The following ATF6 variants were observed in gnomAD, a reference collection of about 807,000 sequenced individuals.
The protein encoded by ATF6 is activating transcription factor 6.
In ATF6, 53 loss-of-function variants were observed where a neutral mutation model predicts 83.6. The observed-to-expected ratio is 0.63, with a 90% CI of 0.51 to 0.80. The LOEUF is 0.80. ATF6 is among the 30% of genes least tolerant of loss of function. ATF6 has a pLI of 0.00. For missense variants in ATF6, 744 were observed against 797.9 expected (o/e 0.93, Z 0.81); for synonymous variants, 288 against 285.8 (o/e 1.01, Z -0.08).
At chr1:161,953,761 C>T (rs1688916615) in intron 15 of ATF6, among the ~76,000 whole-genome samples, 2 of 152,174 alleles carry the variant, frequency 1.3e-5, no homozygotes, top group Admixed American at 1.3e-4. Flanking sequence ...CTGTTACTCA[C>T]TCAGCGTTCT....
intron 14 of ATF6, among the ~76,000 whole-genome samples, chr1:161,902,836 AAGG>A (rs1019428942): frequency 3.9e-5 from 6 of 152,300 alleles, no homozygotes; most frequent in African/African-American, 1.4e-4. Context: ...AGAGAAAGGA[AAGG>A]AGGTGTGTTT....
Position 161,880,350 on chromosome 1 carries a change from GTA to G in ATF6, c.1719+17044_1719+17045del, listed in dbSNP as rs1411729858. On this transcript the variant is annotated intron_variant, in intron 14 of 15. Coordinates refer to ENST00000367942, the MANE Select transcript of ATF6 (RefSeq NM_007348.4). ...TGTATGTGTGTGTGTGTGTGTGTGTGTATATATGTATATACTTATATAGGTGA... is the reference window on the plus strand; with the variant it reads ...TGTATGTGTGTGTGTGTGTGTGTGTGTATATGTATATACTTATATAGGTGA... Among the ~76,000 whole-genome samples, 8 of 146,766 alleles carry G rather than the reference GTA, an allele frequency of 5.5e-5. No individual in the cohort carries two copies. In the South Asian group the frequency reaches 1.1e-3, roughly 20 times the overall value.
At chr1:161,940,813 C>T (rs577501418) in intron 15 of ATF6, among the ~76,000 whole-genome samples, 8 of 152,234 alleles carry the variant, frequency 5.3e-5, no homozygotes, top group African/African-American at 1.9e-4. Context: ...CCGCCCACCT[C>T]GGCCTCCCAA....
chr1:161,924,725 C>CTTTCT (rs1688276833), intron 15 of ATF6, among the ~76,000 whole-genome samples: 1 of 152,180 alleles, frequency 6.6e-6, no homozygotes, highest in African/African-American at 2.4e-5. Flanking sequence ...GGACCTATCT[C>CTTTCT]TTTCTTTTCA....
In ATF6 at chr1:161,852,299, T is replaced by C. The variant is rs1053903288; in HGVS notation, c.1433+464T>C. Among the ~76,000 whole-genome samples the C allele has an allele frequency of 4.6e-5, 7 of 152,306 alleles. No homozygotes were observed. The East Asian group carries it at 1.4e-3, about 29-fold the overall frequency. ...AAAAACTACCTCAGATTTTTTGTGA[T>C]ATGTAGTAATCAACTACAGTTAAAC... On this transcript the variant is annotated intron_variant, in intron 11 of 15. Transcript: ENST00000367942.
At chr1:161,827,235 T>G (rs1266756680) in intron 9 of ATF6, among the ~76,000 whole-genome samples, 1 of 152,090 alleles carries the variant, frequency 6.6e-6, no homozygotes, top group Non-Finnish European at 1.5e-5. Flanking sequence ...CTGGCCTGTT[T>G]TCAGTCTTTT....
intron 9 of ATF6, among the ~76,000 whole-genome samples, chr1:161,830,135 G>C (rs578179637): frequency 6.6e-6 from 1 of 152,254 alleles, no homozygotes; most frequent in South Asian, 2.1e-4. Flanking sequence ...AAAATCACAA[G>C]CATTCTTATA....
chr1:161,789,735 G>GGATCC (rs1243682986), intron 4 of ATF6, among the ~76,000 whole-genome samples: 1 of 151,882 alleles, frequency 6.6e-6, no homozygotes, highest in Non-Finnish European at 1.5e-5. Flanking sequence ...AGTATTCCTC[G>GGATCC]GATCCTTGTT....
chr1:161,859,984 G>C (rs1266739489), intron 12 of ATF6, among the ~76,000 whole-genome samples: 1 of 151,992 alleles, frequency 6.6e-6, no homozygotes, highest in Non-Finnish European at 1.5e-5. Flanking sequence ...TAAACTTAAT[G>C]GAAAGTGCCT....
intron 14 of ATF6, among the ~76,000 whole-genome samples, chr1:161,882,851 ATAAGT>A (rs969931321): frequency 1.8e-4 from 27 of 151,936 alleles, no homozygotes; most frequent in East Asian, 1.9e-4. Context: ...AAATGAAATA[ATAAGT>A]TAAGTACTGG....
intron 9 of ATF6, among the ~76,000 whole-genome samples, chr1:161,845,282 T>G (rs957825569): frequency 2.0e-5 from 3 of 152,214 alleles, no homozygotes; most frequent in Non-Finnish European, 4.4e-5. Flanking sequence ...CTACCCTTTT[T>G]CATTAGCCTT....
At chr1:161,945,151 A>C (rs530924320) in intron 15 of ATF6, among the ~76,000 whole-genome samples, 10 of 152,380 alleles carry the variant, frequency 6.6e-5, no homozygotes, top group African/African-American at 2.4e-4. Context: ...TATATGCTGC[A>C]CATGGCTTAT....
intron 14 of ATF6, among the ~76,000 whole-genome samples, chr1:161,863,744 A>G (rs1420658586): frequency 6.6e-6 from 1 of 152,170 alleles, no homozygotes; most frequent in African/African-American, 2.4e-5. Context: ...TAATTGTGGA[A>G]TGTTTGGATC....
intron 14 of ATF6, among the ~76,000 whole-genome samples, chr1:161,911,390 T>C (rs1230211184): frequency 6.6e-6 from 1 of 152,236 alleles, no homozygotes; most frequent in African/African-American, 2.4e-5. Context: ...TAATCAGCCT[T>C]AGAATGCCTA....
intron 7 of ATF6, among the ~76,000 whole-genome samples, chr1:161,810,789 C>T (rs1685436033): frequency 6.6e-6 from 1 of 152,110 alleles, no homozygotes; most frequent in South Asian, 2.1e-4. Context: ...CCCTGCAGCC[C>T]CTGGTAGCCA....
At chr1:161,795,332 C>A (rs1371577009) in intron 6 of ATF6, among the ~76,000 whole-genome samples, 1 of 152,088 alleles carries the variant, frequency 6.6e-6, no homozygotes, top group Non-Finnish European at 1.5e-5. Flanking sequence ...TAAGTTCTTA[C>A]TATGTGCCAG....
intron 14 of ATF6, among the ~76,000 whole-genome samples, chr1:161,875,940 G>T (rs1031543325): frequency 6.6e-6 from 1 of 151,876 alleles, no homozygotes; most frequent in African/African-American, 2.4e-5. Flanking sequence ...TACATTGACT[G>T]TGTGTGGTAT....
rs192268442 is a variant in ATF6, at chr1:161,831,972, C to G, written c.1187+10811C>G. Among the ~76,000 whole-genome samples the G allele has an allele frequency of 5.9e-3, 882 of 148,486 alleles. 10 individuals carry two copies. The highest frequency in any genetic ancestry group is 0.019 in the African/African-American group (785 of 40,326). On this transcript the variant is annotated intron_variant, in intron 9 of 15. Coordinates refer to ENST00000367942, the MANE Select transcript of ATF6 (RefSeq NM_007348.4). Reference sequence around the variant, plus strand: ...AAAAAAAAAAAGAAAGAAAAATTTCCAGAGATACAGAGCCAGTTGAACATG... The same window carrying G: ...AAAAAAAAAAAGAAAGAAAAATTTCGAGAGATACAGAGCCAGTTGAACATG...
Position 161,894,132 on chromosome 1 carries a change from A to G in ATF6, c.1720-18164A>G, listed in dbSNP as rs79245123. ...TAAACTTAGGAACTGGTGTTACAAT[A>G]TGGTATCCAATGTGAATCATTTGCC... On this transcript the variant is annotated intron_variant, in intron 14 of 15. Coordinates refer to ENST00000367942, the MANE Select transcript of ATF6 (RefSeq NM_007348.4). Among the ~76,000 whole-genome samples the G allele has an allele frequency of 3.0e-3, 450 of 152,046 alleles. 1 individual carries two copies. Among genetic ancestry groups the G allele is most frequent in the Non-Finnish European group, 5.0e-3 (343 of 67,982 alleles).
Sources: gnomAD v4.1 joint callset for allele counts (sites outside exome capture counted in the v4.1 genomes callset) on GRCh38, gnomAD v4.1.1 for gene constraint, MANE v1.5 for transcripts, NCBI Gene and HGNC (gene_info 2026-07-23, HGNC 2026-07-21) for gene names.